The following SIRT4 variants were observed in gnomAD, a reference collection of about 807,000 sequenced individuals.
SIRT4 encodes the protein sirtuin 4.
A neutral mutation model predicts 26.1 loss-of-function variants in SIRT4; 23 were observed. That is an observed-to-expected ratio of 0.88 (90% CI 0.63 to 1.25). The LOEUF (loss-of-function observed/expected upper bound fraction) is 1.25. Among genes scored for constraint, SIRT4 ranks in the 50% most tolerant of loss-of-function variants. SIRT4 has a pLI of 0.00. For missense variants in SIRT4, 361 were observed against 405.4 expected (o/e 0.89, Z 0.94); for synonymous variants, 155 against 158.4 (o/e 0.98, Z 0.16).
At chr12:120,296,669 A>AG in the SIRT4 span, among the ~76,000 whole-genome samples, 1 of 151,244 alleles carries the variant, frequency 6.6e-6, no homozygotes, top group Non-Finnish European at 1.5e-5. Context: ...CACCATGCCC[A>AG]GCTAATTTTT....
chr12:120,307,609 G>A (rs537965069), intron 2 of SIRT4, among the ~76,000 whole-genome samples: 3 of 152,100 alleles, frequency 2.0e-5, no homozygotes, highest in Admixed American at 6.6e-5. Context: ...CCTGTAATCC[G>A]AGCACTTTGG....
chr12:120,295,612 A>G, the SIRT4 span, among the ~76,000 whole-genome samples: 1 of 151,656 alleles, frequency 6.6e-6, no homozygotes, highest in Non-Finnish European at 1.5e-5. Context: ...TTGCTGGATC[A>G]TATGTTAATT....
chr12:120,295,346 C>T, the SIRT4 span, among the ~76,000 whole-genome samples: 1 of 148,000 alleles, frequency 6.8e-6, no homozygotes, highest in African/African-American at 2.5e-5. Flanking sequence ...TCCCAAGTAG[C>T]TGGGATGACA....
At chr12:120,300,393 CTCTT>C (rs1314090925), upstream of SIRT4, among the ~76,000 whole-genome samples, 2 of 152,060 alleles carry the variant, frequency 1.3e-5, no homozygotes, top group African/African-American at 2.4e-5. Context: ...AACCTAAAAA[CTCTT>C]TCTCAAGCTT....
chr12:120,293,144 T>G, the SIRT4 span: 2 of 152,182 alleles, frequency 1.3e-5, no homozygotes, highest in African/African-American at 4.8e-5. Flanking sequence ...ATATTGCAAG[T>G]CGTCACGGCG....
At chr12:120,305,738 C>T (rs963952981) in intron 2 of SIRT4, among the ~76,000 whole-genome samples, 1 of 152,148 alleles carries the variant, frequency 6.6e-6, no homozygotes, top group Non-Finnish European at 1.5e-5. Flanking sequence ...GTAGGCTGGG[C>T]GCGGCGGCTC....
At chr12:120,294,870 C>A in the SIRT4 span, among the ~76,000 whole-genome samples, 2 of 150,698 alleles carry the variant, frequency 1.3e-5, no homozygotes. Flanking sequence ...CTCTGTTGCC[C>A]AAGCTGGAGT....
At chr12:120,296,301 T>C in the SIRT4 span, among the ~76,000 whole-genome samples, 3 of 151,036 alleles carry the variant, frequency 2.0e-5, no homozygotes, top group Non-Finnish European at 2.9e-5. Context: ...CACTGCGAGC[T>C]CCGCCTTCCG....
At chr12:120,302,044 A>C (rs921251994), upstream of SIRT4, among the ~76,000 whole-genome samples, 20 of 151,106 alleles carry the variant, frequency 1.3e-4, no homozygotes, top group Middle Eastern at 3.2e-3. Context: ...AAAAAAAAAA[A>C]ACAACAACTC....
chr12:120,303,266 G>A (rs1228211818), intron 1 of SIRT4, among the ~76,000 whole-genome samples: 1 of 151,784 alleles, frequency 6.6e-6, no homozygotes, highest in Non-Finnish European at 1.5e-5. Context: ...GATCACTAGA[G>A]CTCAGGAGTT....
intron 1 of SIRT4, 64 bp downstream of exon 1, chr12:120,302,442 T>C (rs991247739): frequency 6.6e-6 from 1 of 152,280 alleles, no homozygotes; most frequent in African/African-American, 2.4e-5. Flanking sequence ...AGGGATTCTA[T>C]TTCTCCTCTT....
rs75959660 is a variant in SIRT4, at chr12:120,308,522, C to T, written c.498-3934C>T. On this transcript the variant is annotated intron_variant, in intron 2 of 3. Transcript: ENST00000202967. Reference sequence around the variant, plus strand: ...GGGCTTGAGATTGGCTCAGGTTTGTCTAGGCAAGAGCGGGAAACAGGGCTT... The same window carrying T: ...GGGCTTGAGATTGGCTCAGGTTTGTTTAGGCAAGAGCGGGAAACAGGGCTT... 2.0e-5 allele frequency among the ~76,000 whole-genome samples: 3 copies of T among 152,230 alleles called. No homozygotes were observed. The East Asian group carries it at 5.8e-4, about 29-fold the overall frequency.
chr12:120,295,603 T>G, the SIRT4 span, among the ~76,000 whole-genome samples: 13 of 151,566 alleles, frequency 8.6e-5, no homozygotes, highest in Non-Finnish European at 1.6e-4. Context: ...GAAGTAAAAT[T>G]GCTGGATCAT....
chr12:120,296,561 G>A, the SIRT4 span, among the ~76,000 whole-genome samples: 1 of 146,614 alleles, frequency 6.8e-6, no homozygotes, highest in Non-Finnish European at 1.5e-5. Context: ...AGGTTGGAGC[G>A]CAGGGGTGCA....
At chr12:120,293,165 A>G in the SIRT4 span, 49 of 152,298 alleles carry the variant, frequency 3.2e-4, no homozygotes, top group Non-Finnish European at 6.8e-4. Context: ...GGGTATTGGG[A>G]AAAGTTTTCA....
chr12:120,291,903 T>G, the SIRT4 span: 2 of 152,024 alleles, frequency 1.3e-5, no homozygotes, highest in Non-Finnish European at 2.9e-5. Context: ...TGCGCAAAGC[T>G]GGAAAGGTTC....
upstream of SIRT4, among the ~76,000 whole-genome samples, chr12:120,301,728 CAT>C (rs1232110204): frequency 1.3e-5 from 2 of 152,024 alleles, no homozygotes; most frequent in East Asian, 1.9e-4. Context: ...CAAAACATCT[CAT>C]GTGGGTAAAG....
chr12:120,295,651 A>C, the SIRT4 span, among the ~76,000 whole-genome samples: 2 of 151,904 alleles, frequency 1.3e-5, no homozygotes. Flanking sequence ...TTAATTCAAA[A>C]AGAGGCTCAA....
chr12:120,303,969 G>T lies in SIRT4; in HGVS notation c.408G>T (p.Lys136Asn), dbSNP rs1191822245. The change falls in exon 2 of 4, where the codon AAG becomes AAT. Residue 136 changes from lysine (K) to asparagine (N), a missense_variant. Lys to Asn is a moderately conservative substitution (Grantham distance 94). Coordinates refer to ENST00000202967, the MANE Select transcript of SIRT4 (RefSeq NM_012240.3). ...WALSTWEKLG[K>N]LYWLVTQNVD... is the part of the protein sequence containing the mutation. ...TGAGCACCTGGGAGAAACTCGGAAAGCTGTACTGGTTGGTGACCCAAAATG... is the reference window on the plus strand; with the variant it reads ...TGAGCACCTGGGAGAAACTCGGAAATCTGTACTGGTTGGTGACCCAAAATG... The T allele has an allele frequency of 1.2e-6, 2 of 1,614,192 alleles. No individual in the cohort carries two copies. Among genetic ancestry groups the T allele is most frequent in the East Asian group, 4.5e-5 (2 of 44,888 alleles).
Sources: allele counts gnomAD v4.1 joint callset (sites outside exome capture counted in the v4.1 genomes callset), GRCh38; gene constraint gnomAD v4.1.1; transcripts MANE v1.5; gene names NCBI Gene and HGNC (gene_info 2026-07-23, HGNC 2026-07-21).